The following DOCK1 variants were observed in gnomAD, a reference collection of about 807,000 sequenced individuals.
The protein encoded by DOCK1 is dedicator of cytokinesis 1.
A neutral mutation model predicts 262.7 loss-of-function variants in DOCK1; 138 were observed. The ratio of observed to expected loss-of-function variants is 0.53; its 90% confidence interval spans 0.46 to 0.61. DOCK1 has a LOEUF of 0.61. Ranked by LOEUF, DOCK1 falls within the 20% of genes least tolerant of loss-of-function variation. The pLI is 0.00. For missense variants in DOCK1, 1,908 were observed against 2,370.7 expected (o/e 0.80, Z 4.05); for synonymous variants, 866 against 867.4 (o/e 1.00, Z 0.03).
At chr10:127,071,822 A>C (rs2046249755) in intron 23 of DOCK1, among the ~76,000 whole-genome samples, 2 of 152,176 alleles carry the variant, frequency 1.3e-5, no homozygotes, top group African/African-American at 4.8e-5. Flanking sequence ...TGTTTTCTTT[A>C]ATTTTATGAT....
chr10:127,391,707 T>G (rs944453400), intron 38 of DOCK1, among the ~76,000 whole-genome samples: 1 of 152,108 alleles, frequency 6.6e-6, no homozygotes, highest in African/African-American at 2.4e-5. Flanking sequence ...CTCGGGCCTC[T>G]GGGCAGAAGC....
At chr10:127,302,023 T>C (rs904606132) in intron 29 of DOCK1, among the ~76,000 whole-genome samples, 4 of 152,040 alleles carry the variant, frequency 2.6e-5, no homozygotes, top group African/African-American at 4.8e-5. Flanking sequence ...CTTCCCTTTT[T>C]CTTGCAGTGG....
At chr10:127,205,971 CA>C (rs1326970694) in intron 27 of DOCK1, among the ~76,000 whole-genome samples, 1 of 152,072 alleles carries the variant, frequency 6.6e-6, no homozygotes, top group Non-Finnish European at 1.5e-5. Flanking sequence ...TATGACTTAT[CA>C]ACAAGTAAAC....
At chr10:127,153,453 C>T (rs1455367572) in intron 27 of DOCK1, among the ~76,000 whole-genome samples, 2 of 152,178 alleles carry the variant, frequency 1.3e-5, no homozygotes, top group East Asian at 3.9e-4. Flanking sequence ...TTGGTGTGAG[C>T]AGCCCAGGTC....
intron 1 of DOCK1, among the ~76,000 whole-genome samples, chr10:126,960,809 C>CGTGTGTATATCTATACGT (rs2037152485): frequency 1.0e-4 from 13 of 129,236 alleles, no homozygotes; most frequent in Non-Finnish European, 1.5e-4. Context: ...CACACACACA[C>CGTGTGTATATCTATACGT]ATAGATATAT....
intron 23 of DOCK1, among the ~76,000 whole-genome samples, chr10:127,065,569 CGTG>C (rs1380493464): frequency 6.6e-6 from 1 of 152,068 alleles, no homozygotes; most frequent in Non-Finnish European, 1.5e-5. Flanking sequence ...TGCTGTTTCT[CGTG>C]GTAATTATGC....
chr10:126,971,528 C>T (rs188289716), intron 2 of DOCK1, among the ~76,000 whole-genome samples: 2,177 of 152,048 alleles, frequency 0.014, 24 homozygotes, highest in Non-Finnish European at 0.024. Context: ...GCAGTCTTGC[C>T]ACCTCAGGCT....
intron 1 of DOCK1, among the ~76,000 whole-genome samples, chr10:126,957,964 A>G (rs1412256856): frequency 1.3e-5 from 2 of 152,220 alleles, no homozygotes; most frequent in African/African-American, 4.8e-5. Flanking sequence ...AGTCAGACAT[A>G]AAGGAGCACA....
At position 127,327,497 on chromosome 10, in the gene DOCK1, T is replaced by C. The variant is rs146649771; in HGVS notation, c.3045-11509T>C. ...AGCCTTCCCAGAATTGAACAGAGTT[T>C]AGGGCCTTGCTCTCAGTTAGGCTTT... On this transcript the variant is annotated intron_variant, in intron 29 of 51. Transcript: ENST00000623213. Among the ~76,000 whole-genome samples, 472 of 152,346 alleles carry C rather than the reference T, an allele frequency of 3.1e-3. 3 individuals are homozygous for C. The highest frequency in any genetic ancestry group is 0.011 in the African/African-American group (448 of 41,578).
intron 27 of DOCK1, among the ~76,000 whole-genome samples, chr10:127,186,055 G>T (rs12572681): frequency 0.32 from 47,970 of 151,998 alleles, 8,025 homozygotes; most frequent in African/African-American, 0.41. Flanking sequence ...ACGTTTTAGA[G>T]CATGGCACCT....
chr10:127,093,139 C>T (rs1027280372), intron 23 of DOCK1, among the ~76,000 whole-genome samples: 35 of 151,952 alleles, frequency 2.3e-4, no homozygotes, highest in African/African-American at 8.0e-4. Flanking sequence ...ACATCATGCT[C>T]GTGTCTGCCT....
At chr10:127,401,533 T>C (rs1174579104) in intron 38 of DOCK1, among the ~76,000 whole-genome samples, 1 of 152,074 alleles carries the variant, frequency 6.6e-6, no homozygotes, top group Non-Finnish European at 1.5e-5. Flanking sequence ...GCACCCCTTT[T>C]CCGGTGGAAT....
chr10:127,050,393 C>A (rs1475565652), intron 21 of DOCK1, among the ~76,000 whole-genome samples: 1 of 144,780 alleles, frequency 6.9e-6, no homozygotes, highest in African/African-American at 2.5e-5. Context: ...TATTATAATA[C>A]ATATTGCCAC....
intron 38 of DOCK1, among the ~76,000 whole-genome samples, chr10:127,399,997 A>T (rs927546435): frequency 6.6e-6 from 1 of 152,124 alleles, no homozygotes; most frequent in African/African-American, 2.4e-5. Context: ...AGACAGACAG[A>T]TGGGGACTCT....
chr10:127,295,988 A>G (rs2061492396), intron 29 of DOCK1, among the ~76,000 whole-genome samples: 1 of 152,194 alleles, frequency 6.6e-6, no homozygotes, highest in Admixed American at 6.5e-5. Context: ...TAGGGGAGAC[A>G]GGCTCTGGCT....
intron 25 of DOCK1, among the ~76,000 whole-genome samples, chr10:127,112,599 C>T (rs1382086792): frequency 6.6e-6 from 1 of 152,178 alleles, no homozygotes; most frequent in Non-Finnish European, 1.5e-5. Context: ...AACCTGCTGT[C>T]ATCTTTTTAA....
intron 27 of DOCK1, among the ~76,000 whole-genome samples, chr10:127,166,192 A>C (rs1042234622): frequency 6.6e-6 from 1 of 152,076 alleles, no homozygotes; most frequent in African/African-American, 2.4e-5. Context: ...CAGCCCCCCA[A>C]GTAGCTGGGA....
At chr10:127,084,492 G>A (rs1170795422) in intron 23 of DOCK1, among the ~76,000 whole-genome samples, 2 of 152,134 alleles carry the variant, frequency 1.3e-5, no homozygotes, top group African/African-American at 4.8e-5. Flanking sequence ...ACCAACACTG[G>A]TAATGCCCCA....
intron 29 of DOCK1, among the ~76,000 whole-genome samples, chr10:127,328,074 G>A (rs1197812205): frequency 2.1e-5 from 3 of 142,648 alleles, no homozygotes; most frequent in South Asian, 2.2e-4. Context: ...TGTGGACAAC[G>A]TCACCACCTG....
Sources: gnomAD v4.1 joint callset for allele counts (sites outside exome capture counted in the v4.1 genomes callset) on GRCh38, gnomAD v4.1.1 for gene constraint, MANE v1.5 for transcripts, NCBI Gene and HGNC (gene_info 2026-07-23, HGNC 2026-07-21) for gene names.